BRCC3: variants seen among roughly 807,000 people sequenced by gnomAD.
BRCC3 encodes the protein lys-63-specific deubiquitinase BRCC36.
BRCC3 carries 15 observed loss-of-function variants against 28.0 expected under a neutral mutation model. The ratio of observed to expected loss-of-function variants is 0.54; its 90% CI spans 0.36 to 0.82. The LOEUF (loss-of-function observed/expected upper bound fraction) is 0.82, where lower values mean the gene tolerates loss of function less well. Among genes scored for constraint, BRCC3 ranks in the 40% least tolerant of loss-of-function variants. The probability of loss-of-function intolerance (pLI) is 0.01; values close to 1 mark genes in which losing one functional copy is unlikely to be tolerated. For synonymous variants in BRCC3, 66 were observed against 80.3 expected, an observed-to-expected ratio of 0.82 and a Z score of 0.95; for missense variants, 109 against 225.9, an observed-to-expected ratio of 0.48 and a Z score of 3.32.
chrX:155,104,577 T>G (rs781864203), intron 7 of BRCC3, among the ~76,000 whole-genome samples: 56 of 112,497 alleles, frequency 5.0e-4, no homozygotes, highest in African/African-American at 1.6e-3. Context: ...TCTCTTCCTA[T>G]GCAGCTCTTT....
At chrX:155,114,040 A>G (rs2074338895) in intron 7 of BRCC3, among the ~76,000 whole-genome samples, 1 of 111,434 alleles carries the variant, frequency 9.0e-6, no homozygotes, top group South Asian at 3.8e-4. Context: ...GAGTGGTGCA[A>G]TAAGCCTGTA....
At chrX:155,077,054 G>C in intron 3 of BRCC3, 116 bp from the exon 4 acceptor site, 1 of 681,592 alleles carries the variant, frequency 1.5e-6, no homozygotes, top group Non-Finnish European at 1.9e-6. Flanking sequence ...AAAAGTGTCA[G>C]TTTTCTAAAA....
At chrX:155,099,093 T>G (rs2074229337) in intron 7 of BRCC3, among the ~76,000 whole-genome samples, 1 of 111,342 alleles carries the variant, frequency 9.0e-6, no homozygotes, top group African/African-American at 3.3e-5. Context: ...CTTGAATTCT[T>G]TCTCTCTAAA....
At chrX:155,076,612 A>G (rs2074046288) in intron 3 of BRCC3, among the ~76,000 whole-genome samples, 1 of 110,053 alleles carries the variant, frequency 9.1e-6, no homozygotes, top group Admixed American at 9.6e-5. Context: ...TCTCCTGAGA[A>G]CTCACTCTCA....
In BRCC3 at chrX:155,073,359, C is replaced by G. The variant is rs782037747; in HGVS notation, c.141-18C>G. ...CAAACCCCACTTCCTTTTTTTTTTTCTAATTTATTCCCAGTAGGAGTGACT... is the reference window on the plus strand; with the variant it reads ...CAAACCCCACTTCCTTTTTTTTTTTGTAATTTATTCCCAGTAGGAGTGACT... On this transcript the variant is annotated intron_variant, in intron 2 of 10. Transcript: ENST00000330045. 2 of 1,078,003 alleles carry G rather than the reference C, an allele frequency of 1.9e-6. No homozygotes were observed. The highest frequency in any genetic ancestry group is 2.0e-5 in the African/African-American group (1 of 49,848). 88.8% of individuals were successfully genotyped at this position (1,078,003 alleles called of 1,213,427 possible).
intron 7 of BRCC3, among the ~76,000 whole-genome samples, chrX:155,104,434 C>A (rs1209351847): frequency 2.7e-5 from 3 of 112,390 alleles, no homozygotes; most frequent in Non-Finnish European, 3.8e-5. Context: ...TTCCCCACTA[C>A]TGAGGCAAGA....
chrX:155,075,125 C>G (rs1170422268), intron 3 of BRCC3, among the ~76,000 whole-genome samples: 1 of 111,770 alleles, frequency 8.9e-6, no homozygotes, highest in African/African-American at 3.3e-5. Flanking sequence ...TTTTACATTC[C>G]TTTTTTCTCT....
At chrX:155,074,979 A>G (rs1350639060) in intron 3 of BRCC3, among the ~76,000 whole-genome samples, 1 of 112,612 alleles carries the variant, frequency 8.9e-6, no homozygotes, top group Non-Finnish European at 1.9e-5. Flanking sequence ...TGATCCATAT[A>G]CATAATTTTA....
chrX:155,102,252 T>A (rs1346650296), intron 7 of BRCC3, among the ~76,000 whole-genome samples: 3 of 111,909 alleles, frequency 2.7e-5, no homozygotes, highest in Non-Finnish European at 5.6e-5. Context: ...TTTATTTAGG[T>A]CTTTAATTAT....
At chrX:155,082,544 C>T (rs7891758) in intron 5 of BRCC3, among the ~76,000 whole-genome samples, 259 of 112,279 alleles carry the variant, frequency 2.3e-3, no homozygotes, top group African/African-American at 7.9e-3. Context: ...AACCTTTGGT[C>T]GCATTTGCTT....
At chrX:155,114,058 TA>T (rs1445170230) in intron 7 of BRCC3, among the ~76,000 whole-genome samples, 1 of 111,226 alleles carries the variant, frequency 9.0e-6, no homozygotes, top group African/African-American at 3.3e-5. Flanking sequence ...GTAGTTTCTT[TA>T]AAAACCTAAA....
chrX:155,104,209 T>G (rs1452836551), intron 7 of BRCC3, among the ~76,000 whole-genome samples: 1 of 111,782 alleles, frequency 8.9e-6, no homozygotes. Context: ...GTTGGACTCT[T>G]CTGCTGCTTT....
At chrX:155,085,830 G>A (rs373442725) in intron 5 of BRCC3, among the ~76,000 whole-genome samples, 7 of 111,683 alleles carry the variant, frequency 6.3e-5, no homozygotes, top group African/African-American at 2.0e-4. Flanking sequence ...TCTTGACCAC[G>A]GAGATCTTTA....
At chrX:155,089,062 C>T (rs1322726300) in intron 5 of BRCC3, among the ~76,000 whole-genome samples, 1 of 111,706 alleles carries the variant, frequency 9.0e-6, no homozygotes, top group African/African-American at 3.3e-5. Flanking sequence ...GGCAGACTTT[C>T]GATAGTATTA....
intron 7 of BRCC3, among the ~76,000 whole-genome samples, chrX:155,105,234 G>A (rs896036737): frequency 6.2e-5 from 7 of 112,002 alleles, no homozygotes; most frequent in Non-Finnish European, 1.1e-4. Flanking sequence ...TGTAATCCCA[G>A]CACTTTGGGA....
intron 7 of BRCC3, among the ~76,000 whole-genome samples, chrX:155,098,578 C>T (rs1309103145): frequency 8.9e-6 from 1 of 112,270 alleles, no homozygotes; most frequent in Non-Finnish European, 1.9e-5. Flanking sequence ...AATATAGCCA[C>T]ATCCATTTAT....
At chrX:155,075,785 T>C (rs2074035491) in intron 3 of BRCC3, among the ~76,000 whole-genome samples, 1 of 112,258 alleles carries the variant, frequency 8.9e-6, no homozygotes, top group Non-Finnish European at 1.9e-5. Flanking sequence ...ATCCTGCAAA[T>C]TATGGCTTGG....
Position 155,119,993 on chromosome X carries a change from T to C in BRCC3, c.725-6T>C. On this transcript the variant is annotated splice_polypyrimidine_tract_variant and splice_region_variant and intron_variant, in intron 9 of 10. Coordinates refer to ENST00000330045, the MANE Select transcript of BRCC3 (RefSeq NM_001018055.3). ...ATTATTCTCATCTTTATTTTTCCTA[T>C]TGAAGTGTTTACCAAGAATCTGTGC... 4.2e-6 allele frequency: 5 copies of C among 1,198,013 alleles called. No individual in the cohort carries two copies. The highest frequency in any genetic ancestry group is 5.6e-6 in the Non-Finnish European group (5 of 889,839).
At position 155,075,270 on chromosome X, in the gene BRCC3, A is replaced by G. The variant is rs1011018267; in HGVS notation, c.195+1839A>G. 1.4e-3 allele frequency among the ~76,000 whole-genome samples: 71 copies of G among 51,436 alleles called. No homozygotes were observed. In the African/African-American group the frequency reaches 0.035, roughly 25 times the overall value. The allele number at this position is 51,436 out of a possible 115,157, so 44.7% of individuals were successfully genotyped here. A position where few individuals can be genotyped will look rare whatever the true frequency, so the allele number is the denominator to read the frequency against. On this transcript the variant is annotated intron_variant, in intron 3 of 10. Transcript: ENST00000330045. Reference sequence around the variant, plus strand: ...TTCACCCTTGTCCCTTCAACATCTGATAATGCTAAGCCCACTCTTTCCCCT... The same window carrying G: ...TTCACCCTTGTCCCTTCAACATCTGGTAATGCTAAGCCCACTCTTTCCCCT...
Sources: gnomAD v4.1 joint callset for allele counts (sites outside exome capture counted in the v4.1 genomes callset) on GRCh38, gnomAD v4.1.1 for gene constraint, MANE v1.5 for transcripts, NCBI Gene and HGNC (gene_info 2026-07-23, HGNC 2026-07-21) for gene names.